The following USP12 variants were observed in gnomAD, a reference collection of about 807,000 sequenced individuals.
USP12 encodes the protein ubiquitin carboxyl-terminal hydrolase 12.
In USP12, 19 loss-of-function variants were observed where a neutral mutation model predicts 45.5. That is an observed-to-expected ratio of 0.42 (90% CI 0.29 to 0.61). USP12 has a LOEUF of 0.61. USP12 is among the 20% of genes least tolerant of loss of function. The pLI is 0.22. For synonymous variants in USP12, 149 were observed against 148.8 expected (o/e 1.00, Z -0.01); for missense variants, 242 against 447.7 (o/e 0.54, Z 4.15).
At chr13:27,096,064 C>A (rs1010606312) in intron 3 of USP12, among the ~76,000 whole-genome samples, 1 of 152,050 alleles carries the variant, frequency 6.6e-6, no homozygotes, top group Non-Finnish European at 1.5e-5. Flanking sequence ...GAGAAAAGGG[C>A]AAAACCTATC....
intron 1 of USP12, among the ~76,000 whole-genome samples, chr13:27,131,826 G>C (rs985197130): frequency 6.6e-6 from 1 of 152,116 alleles, no homozygotes; most frequent in African/African-American, 2.4e-5. Context: ...ACCCATTAAC[G>C]GTTTTAGTTC....
chr13:27,107,987 G>C (rs2137788876), intron 2 of USP12, among the ~76,000 whole-genome samples: 1 of 152,076 alleles, frequency 6.6e-6, no homozygotes, highest in South Asian at 2.1e-4. Context: ...ATTCCTCAGG[G>C]ATCTAGAACT....
intron 6 of USP12, among the ~76,000 whole-genome samples, chr13:27,087,130 T>C (rs1195494597): frequency 6.8e-6 from 1 of 148,088 alleles, no homozygotes; most frequent in South Asian, 2.2e-4. Context: ...TGTGCGTGTG[T>C]GAGAGTGTGT....
chr13:27,115,095 T>A (rs1476619881), intron 2 of USP12, among the ~76,000 whole-genome samples: 1 of 152,182 alleles, frequency 6.6e-6, no homozygotes, highest in Non-Finnish European at 1.5e-5. Flanking sequence ...TAATTTTATA[T>A]ATAATAACAA....
chr13:27,108,353 AAGGGGAACATCACACTC>A (rs1160413859), intron 2 of USP12, among the ~76,000 whole-genome samples: 1 of 151,914 alleles, frequency 6.6e-6, no homozygotes, highest in East Asian at 1.9e-4. Context: ...TGGACAAAGG[AAGGGGAACATCACACTC>A]TGAGGACTGT....
At chr13:27,169,329 C>G (rs957211363) in intron 1 of USP12, among the ~76,000 whole-genome samples, 14 of 152,094 alleles carry the variant, frequency 9.2e-5, no homozygotes, top group Admixed American at 2.0e-4. Flanking sequence ...AAGAAGGATA[C>G]GGGGTGTGGC....
At chr13:27,090,741 TCC>T (rs1874272291) in intron 4 of USP12, among the ~76,000 whole-genome samples, 1 of 152,194 alleles carries the variant, frequency 6.6e-6, no homozygotes, top group Non-Finnish European at 1.5e-5. Context: ...CTTCAGCAAG[TCC>T]ATCCTGAAGG....
chr13:27,163,763 T>C lies in USP12; in HGVS notation c.48+7829A>G, dbSNP rs182062639. ...ACAGCCTGAGCAATAGAGCAAGACC[T>C]GTCTTAAAAAAAAAAAAAAAAAGAA... is the stretch of plus-strand genomic sequence containing the variant. On this transcript the variant is annotated intron_variant, in intron 1 of 8. Transcript: ENST00000282344. Among the ~76,000 whole-genome samples, 8 of 107,192 alleles carry C rather than the reference T, an allele frequency of 7.5e-5. No homozygotes were observed. In the Admixed American group the frequency reaches 8.9e-4, roughly 12 times the overall value. The allele number at this position is 107,192 out of a possible 152,430, so 70.3% of individuals were successfully genotyped here. A position where few individuals can be genotyped will look rare whatever the true frequency, so the allele number is the denominator to read the frequency against.
chr13:27,141,395 A>G (rs1877047227), intron 1 of USP12, among the ~76,000 whole-genome samples: 1 of 152,240 alleles, frequency 6.6e-6, no homozygotes, highest in Non-Finnish European at 1.5e-5. Context: ...CCTCTGTAGT[A>G]ATGAGCACAC....
chr13:27,161,542 TAA>T (rs11365650), intron 1 of USP12, among the ~76,000 whole-genome samples: 6 of 151,170 alleles, frequency 4.0e-5, no homozygotes, highest in African/African-American at 1.2e-4. Context: ...TTTATACCTT[TAA>T]AAAAAAATGT....
At chr13:27,089,650 T>A in intron 6 of USP12, 2 of 455,094 alleles carry the variant, frequency 4.4e-6, no homozygotes, top group South Asian at 3.2e-5. Flanking sequence ...TGGTTTATGA[T>A]GATTAAATAA....
intron 1 of USP12, among the ~76,000 whole-genome samples, chr13:27,142,101 G>C (rs1008858733): frequency 6.6e-6 from 1 of 152,156 alleles, no homozygotes; most frequent in African/African-American, 2.4e-5. Context: ...CAGCCTGGGT[G>C]ACAGAGCGAG....
At chr13:27,143,237 A>C (rs566743222) in intron 1 of USP12, among the ~76,000 whole-genome samples, 2 of 152,364 alleles carry the variant, frequency 1.3e-5, no homozygotes, top group Non-Finnish European at 2.9e-5. Flanking sequence ...AACACTGAAT[A>C]AATAAAAATC....
chr13:27,079,230 G>C (rs1314560005), intron 6 of USP12, among the ~76,000 whole-genome samples: 11 of 147,092 alleles, frequency 7.5e-5, no homozygotes, highest in East Asian at 4.1e-4. Flanking sequence ...GGGGGGGAGT[G>C]GGGGGAGAGG....
chr13:27,139,262 C>G (rs1444080132), intron 1 of USP12, among the ~76,000 whole-genome samples: 3 of 152,204 alleles, frequency 2.0e-5, no homozygotes, highest in African/African-American at 7.2e-5. Context: ...ACCCTATATT[C>G]CTACAACTGT....
At chr13:27,098,539 T>C (rs1260509878) in intron 3 of USP12, among the ~76,000 whole-genome samples, 1 of 152,264 alleles carries the variant, frequency 6.6e-6, no homozygotes, top group East Asian at 1.9e-4. Flanking sequence ...AAAATAAAAA[T>C]TGACTTAGTT....
chr13:27,145,088 G>C (rs1346078195), intron 1 of USP12, among the ~76,000 whole-genome samples: 1 of 152,156 alleles, frequency 6.6e-6, no homozygotes, highest in Admixed American at 6.5e-5. Flanking sequence ...GAGGGGACTT[G>C]AACACAAGTC....
intron 3 of USP12, among the ~76,000 whole-genome samples, chr13:27,105,397 C>CATA: frequency 1.3e-5 from 2 of 151,982 alleles, no homozygotes; most frequent in Middle Eastern, 3.4e-3. Flanking sequence ...AAAACAAATG[C>CATA]ATAAGCATGC....
intron 1 of USP12, among the ~76,000 whole-genome samples, chr13:27,118,164 T>A (rs904718678): frequency 6.6e-6 from 1 of 151,644 alleles, no homozygotes; most frequent in Non-Finnish European, 1.5e-5. Context: ...CCTTTCCGCA[T>A]GAGACTCCTA....
Sources: gnomAD v4.1 joint callset for allele counts (sites outside exome capture counted in the v4.1 genomes callset) on GRCh38, gnomAD v4.1.1 for gene constraint, MANE v1.5 for transcripts, NCBI Gene and HGNC (gene_info 2026-07-23, HGNC 2026-07-21) for gene names.